The following NDUFAF7 variants were observed in gnomAD, a reference collection of about 807,000 sequenced individuals.
NDUFAF7 encodes protein arginine methyltransferase NDUFAF7, mitochondrial.
In NDUFAF7, 48 loss-of-function variants were observed where a neutral mutation model predicts 47.2. The ratio of observed to expected loss-of-function variants is 1.02; its 90% CI spans 0.81 to 1.29. The LOEUF (loss-of-function observed/expected upper bound fraction) is 1.29. NDUFAF7 is among the 50% of genes most tolerant of loss of function. NDUFAF7 has a pLI of 0.00. For missense variants in NDUFAF7, 635 were observed against 537.6 expected (o/e 1.18, Z -1.79); for synonymous variants, 217 against 190.0 (o/e 1.14, Z -1.17).
At chr2:37,269,857 G>GT in the NDUFAF7 span, among the ~76,000 whole-genome samples, 4 of 152,188 alleles carry the variant, frequency 2.6e-5, no homozygotes, top group African/African-American at 9.7e-5. Flanking sequence ...TCTAATAAGA[G>GT]GTTAAGCCCA....
the NDUFAF7 span, among the ~76,000 whole-genome samples, chr2:37,263,116 G>A: frequency 6.6e-6 from 1 of 151,926 alleles, no homozygotes; most frequent in Non-Finnish European, 1.5e-5. Flanking sequence ...TCAACTCCTT[G>A]AGTTAGATTC....
At chr2:37,267,005 A>ATT in the NDUFAF7 span, among the ~76,000 whole-genome samples, 3 of 152,216 alleles carry the variant, frequency 2.0e-5, no homozygotes, top group Admixed American at 2.0e-4. Context: ...TATATCTTTA[A>ATT]AATACGCCCC....
chr2:37,239,983 T>C (rs1666190391), intron 4 of NDUFAF7, among the ~76,000 whole-genome samples: 1 of 152,212 alleles, frequency 6.6e-6, no homozygotes, highest in South Asian at 2.1e-4. Flanking sequence ...TTTCTATCAG[T>C]CTACGTACTA....
downstream of NDUFAF7, among the ~76,000 whole-genome samples, chr2:37,256,315 A>G (rs1290739188): frequency 1.3e-5 from 2 of 152,238 alleles, no homozygotes; most frequent in African/African-American, 4.8e-5. Flanking sequence ...TGGGAGCACC[A>G]TAAATGAAAG....
the NDUFAF7 span, chr2:37,260,132 C>A: frequency 8.1e-7 from 1 of 1,228,142 alleles, no homozygotes; most frequent in South Asian, 1.5e-5. Flanking sequence ...CCACTGCACT[C>A]CAGCCCAGGT....
chr2:37,270,365 A>AC, the NDUFAF7 span, among the ~76,000 whole-genome samples: 7 of 151,616 alleles, frequency 4.6e-5, no homozygotes, highest in African/African-American at 1.7e-4. Flanking sequence ...AAAAAAAAAA[A>AC]AAACTCAAAA....
At chr2:37,244,094 A>G in intron 7 of NDUFAF7, 121 bp downstream of exon 7, 1 of 842,930 alleles carries the variant, frequency 1.2e-6, no homozygotes, top group Non-Finnish European at 1.9e-6. Flanking sequence ...GTAGCATACG[A>G]GGTGCTTTTT....
downstream of NDUFAF7, among the ~76,000 whole-genome samples, chr2:37,257,393 T>C (rs1356016151): frequency 6.6e-6 from 1 of 151,984 alleles, no homozygotes; most frequent in Non-Finnish European, 1.5e-5. Context: ...TAGCCAGGTG[T>C]GGTGGCTCAC....
chr2:37,270,858 A>T, the NDUFAF7 span, among the ~76,000 whole-genome samples: 2 of 152,326 alleles, frequency 1.3e-5, no homozygotes, highest in South Asian at 4.1e-4. Context: ...ATGTATGTGT[A>T]TATATATTTG....
At chr2:37,263,074 GCTTT>G in the NDUFAF7 span, among the ~76,000 whole-genome samples, 1 of 151,726 alleles carries the variant, frequency 6.6e-6, no homozygotes, top group Non-Finnish European at 1.5e-5. Flanking sequence ...ATTCCTTTCT[GCTTT>G]CTTTAGGTTT....
chr2:37,234,013 A>C (rs545740008), intron 2 of NDUFAF7, among the ~76,000 whole-genome samples: 44 of 152,330 alleles, frequency 2.9e-4, no homozygotes, highest in African/African-American at 1.0e-3. Context: ...GATCACAGGC[A>C]TCTCAGGATT....
At chr2:37,253,022 A>G, downstream of NDUFAF7, 1 of 639,058 alleles carries the variant, frequency 1.6e-6, no homozygotes, top group South Asian at 4.5e-5. Flanking sequence ...GCCTGTACCT[A>G]CTCATTATGA....
intron 2 of NDUFAF7, among the ~76,000 whole-genome samples, chr2:37,233,847 T>C (rs1021057778): frequency 6.6e-6 from 1 of 152,104 alleles, no homozygotes; most frequent in African/African-American, 2.4e-5. Context: ...TTCATGAAGC[T>C]GGATGGAAAA....
At chr2:37,246,881 T>A (rs146221972) in intron 8 of NDUFAF7, among the ~76,000 whole-genome samples, 37 of 152,308 alleles carry the variant, frequency 2.4e-4, no homozygotes, top group Admixed American at 7.2e-4. Context: ...GATTTTTTTT[T>A]AAGTAATTTC....
At chr2:37,253,236 C>G, downstream of NDUFAF7, 1 of 1,612,508 alleles carries the variant, frequency 6.2e-7, no homozygotes, top group Non-Finnish European at 8.5e-7. Context: ...TTTGGGTATA[C>G]AAGGTTATGT....
intron 6 of NDUFAF7, among the ~76,000 whole-genome samples, 174 bp from the exon 7 acceptor site, chr2:37,243,689 T>C (rs528312353): frequency 1.3e-5 from 2 of 152,194 alleles, no homozygotes; most frequent in Non-Finnish European, 2.9e-5. Flanking sequence ...TTTGCATCGA[T>C]TGGTCTACTC....
the NDUFAF7 span, among the ~76,000 whole-genome samples, chr2:37,259,154 A>C: frequency 6.6e-6 from 1 of 152,212 alleles, no homozygotes; most frequent in African/African-American, 2.4e-5. Flanking sequence ...GTGATGAGAA[A>C]TGTTATTTTA....
chr2:37,241,927 C>T (rs1666393649), intron 5 of NDUFAF7, 136 bp downstream of exon 5: 1 of 713,488 alleles, frequency 1.4e-6, no homozygotes, highest in African/African-American at 1.8e-5. Flanking sequence ...GAGTAGCCTA[C>T]TTTTTTCTAG....
downstream of NDUFAF7, chr2:37,251,107 CAG>C (rs1351137798): frequency 6.6e-6 from 1 of 152,600 alleles, no homozygotes; most frequent in Non-Finnish European, 1.5e-5. Flanking sequence ...CCTAGTGACT[CAG>C]AATTATTCCA....
Sources: allele counts gnomAD v4.1 joint callset (sites outside exome capture counted in the v4.1 genomes callset), GRCh38; gene constraint gnomAD v4.1.1; transcripts MANE v1.5; gene names NCBI Gene and HGNC (gene_info 2026-07-23, HGNC 2026-07-21).